The following ZDHHC17 variants were observed in gnomAD, a reference collection of about 807,000 sequenced individuals.
ZDHHC17 encodes the protein palmitoyltransferase ZDHHC17.
In ZDHHC17, 40 loss-of-function variants were observed where a neutral mutation model predicts 90.3. That is an observed-to-expected ratio of 0.44 (90% CI 0.34 to 0.58). The LOEUF is 0.58. Ranked by LOEUF, ZDHHC17 falls within the 20% of genes least tolerant of loss-of-function variation. The pLI is 0.01. For missense variants in ZDHHC17, 614 were observed against 780.8 expected (o/e 0.79, Z 2.55); for synonymous variants, 235 against 252.4 (o/e 0.93, Z 0.65).
intron 1 of ZDHHC17, chr12:76,764,954 A>C (rs1027898829): frequency 7.0e-6 from 3 of 430,644 alleles, no homozygotes; most frequent in Non-Finnish European, 1.4e-5. Context: ...CCGTTTTTCT[A>C]GGAGCTAGGG....
At chr12:76,844,106 C>T (rs754666394) in intron 12 of ZDHHC17, 1 of 152,252 alleles carries the variant, frequency 6.6e-6, no homozygotes, top group East Asian at 1.9e-4. Context: ...TGGAAATATA[C>T]TGTTCCACAA....
At chr12:76,764,737 T>G in intron 1 of ZDHHC17, 2 of 467,150 alleles carry the variant, frequency 4.3e-6, no homozygotes, top group South Asian at 3.1e-5. Context: ...TTCGCCAGGG[T>G]GAATGACGGT....
intron 1 of ZDHHC17, among the ~76,000 whole-genome samples, chr12:76,773,115 C>G (rs967376135): frequency 6.6e-6 from 1 of 152,200 alleles, no homozygotes; most frequent in African/African-American, 2.4e-5. Flanking sequence ...GCCTCGACGT[C>G]TCAAAGTACT....
intron 3 of ZDHHC17, among the ~76,000 whole-genome samples, chr12:76,807,332 T>C (rs1952966909): frequency 6.6e-6 from 1 of 152,214 alleles, no homozygotes. Flanking sequence ...TGTATTTATA[T>C]TGACTTTCAA....
At chr12:76,799,772 GT>G (rs1231984548) in intron 2 of ZDHHC17, among the ~76,000 whole-genome samples, 10 of 152,248 alleles carry the variant, frequency 6.6e-5, no homozygotes, top group African/African-American at 2.4e-4. Context: ...AGGTTTGTTT[GT>G]TTTTAGGTTT....
At position 76,764,225 on chromosome 12, in the gene ZDHHC17, C is replaced by T. The variant is rs766754451; in HGVS notation, c.-12C>T. Reference sequence around the variant, plus strand: ...GCCCGAGCCCCGGGAGGGTGAAACGCTTTCTCCCAGCATGCAGCGGGAGGA... The same window carrying T: ...GCCCGAGCCCCGGGAGGGTGAAACGTTTTCTCCCAGCATGCAGCGGGAGGA... On this transcript the variant is annotated 5_prime_UTR_variant, in exon 1 of 17. Coordinates refer to ENST00000426126, the MANE Select transcript of ZDHHC17 (RefSeq NM_015336.4). 5.7e-6 allele frequency: 9 copies of T among 1,584,436 alleles called. No individual in the cohort carries two copies. The East Asian group carries it at 1.6e-4, about 29-fold the overall frequency.
intron 2 of ZDHHC17, among the ~76,000 whole-genome samples, chr12:76,802,839 TG>T (rs1375943706): frequency 6.6e-6 from 1 of 152,250 alleles, no homozygotes; most frequent in Non-Finnish European, 1.5e-5. Flanking sequence ...GAGCTTACAT[TG>T]ATTTGAGTTT....
At chr12:76,795,669 G>T (rs755675210) in intron 1 of ZDHHC17, among the ~76,000 whole-genome samples, 1 of 152,156 alleles carries the variant, frequency 6.6e-6, no homozygotes, top group Non-Finnish European at 1.5e-5. Flanking sequence ...CTGGAATTCT[G>T]TGGAGAAATT....
intron 1 of ZDHHC17, among the ~76,000 whole-genome samples, chr12:76,783,059 G>T (rs117124182): frequency 0.011 from 1,676 of 152,310 alleles, 11 homozygotes; most frequent in Non-Finnish European, 0.017. Context: ...TAGTTGAGAA[G>T]AGGGCTCAGA....
At chr12:76,795,477 T>C (rs557792845) in intron 1 of ZDHHC17, among the ~76,000 whole-genome samples, 1 of 152,274 alleles carries the variant, frequency 6.6e-6, no homozygotes, top group Non-Finnish European at 1.5e-5. Context: ...AAGTTTTTAT[T>C]CTTTTTCAGG....
intron 8 of ZDHHC17, among the ~76,000 whole-genome samples, chr12:76,826,063 C>G (rs1272578338): frequency 6.6e-6 from 1 of 152,140 alleles, no homozygotes; most frequent in Non-Finnish European, 1.5e-5. Context: ...AAGCGATTCT[C>G]TCGTCTAGGC....
intron 5 of ZDHHC17, among the ~76,000 whole-genome samples, chr12:76,813,982 T>G (rs963194564): frequency 2.6e-5 from 4 of 152,094 alleles, no homozygotes; most frequent in African/African-American, 9.6e-5. Context: ...TAAGCATGTC[T>G]TTTCCTTTAA....
chr12:76,775,249 A>G (rs1221495064), intron 1 of ZDHHC17, among the ~76,000 whole-genome samples: 4 of 152,242 alleles, frequency 2.6e-5, no homozygotes, highest in African/African-American at 9.6e-5. Context: ...TTCCAGTAAG[A>G]TCAAGAAAAT....
chr12:76,799,916 G>A (rs1250082438), intron 2 of ZDHHC17, among the ~76,000 whole-genome samples: 1 of 152,122 alleles, frequency 6.6e-6, no homozygotes, highest in Non-Finnish European at 1.5e-5. Context: ...TTTGGGGTGG[G>A]ACTCAAGTCT....
intron 1 of ZDHHC17, among the ~76,000 whole-genome samples, chr12:76,773,109 C>A (rs959041305): frequency 6.6e-6 from 1 of 152,162 alleles, no homozygotes; most frequent in Non-Finnish European, 1.5e-5. Context: ...CTGTCTGCCT[C>A]GACGTCTCAA....
chr12:76,832,664 A>C (rs1313288253), intron 10 of ZDHHC17, among the ~76,000 whole-genome samples: 1 of 152,220 alleles, frequency 6.6e-6, no homozygotes, highest in African/African-American at 2.4e-5. Context: ...AAGCTTATCT[A>C]ACACATGTAT....
At chr12:76,836,696 A>G (rs554987045) in intron 10 of ZDHHC17, among the ~76,000 whole-genome samples, 2 of 152,272 alleles carry the variant, frequency 1.3e-5, no homozygotes, top group African/African-American at 4.8e-5. Flanking sequence ...TAAGCTTCTT[A>G]ATTGGGTTGC....
intron 7 of ZDHHC17, among the ~76,000 whole-genome samples, chr12:76,818,686 A>C (rs948673177): frequency 1.7e-4 from 26 of 152,336 alleles, no homozygotes; most frequent in African/African-American, 5.8e-4. Context: ...GTAAGATTGC[A>C]GTATTTGAGG....
intron 15 of ZDHHC17, 74 bp from the exon 16 acceptor site, chr12:76,849,302 T>C (rs1953534563): frequency 1.4e-6 from 1 of 729,294 alleles, no homozygotes; most frequent in African/African-American, 2.3e-5. Flanking sequence ...TTAGCCTGGG[T>C]GACAGGGCAA....
Sources: gnomAD v4.1 joint callset for allele counts (sites outside exome capture counted in the v4.1 genomes callset) on GRCh38, gnomAD v4.1.1 for gene constraint, MANE v1.5 for transcripts, NCBI Gene and HGNC (gene_info 2026-07-23, HGNC 2026-07-21) for gene names.